Variants in MID1 observed in about 807,000 individuals in gnomAD.
MID1 encodes E3 ubiquitin-protein ligase Midline-1.
A neutral mutation model predicts 40.4 loss-of-function variants in MID1; 7 were observed. The observed-to-expected ratio is 0.17, with a 90% CI of 0.10 to 0.33. The LOEUF is 0.33. MID1 is among the 10% of genes least tolerant of loss of function. MID1 has a pLI of 1.00. For missense variants in MID1, 367 were observed against 558.5 expected, an observed-to-expected ratio of 0.66 and a Z score of 3.46; for synonymous variants, 229 against 221.2, an observed-to-expected ratio of 1.04 and a Z score of -0.31.
chrX:10,707,539 G>A (rs1435979461), intron 1 of MID1, among the ~76,000 whole-genome samples: 1 of 112,049 alleles, frequency 8.9e-6, no homozygotes, highest in Non-Finnish European at 1.9e-5. Context: ...CTAATTTTCA[G>A]ATTTATAAAA....
chrX:10,662,219 T>C (rs112360260), intron 1 of MID1, among the ~76,000 whole-genome samples: 9 of 111,356 alleles, frequency 8.1e-5, no homozygotes, highest in African/African-American at 2.9e-4. Context: ...CAGGAGAATC[T>C]CTTGAACCGG....
chrX:10,615,292 C>T (rs1022519905), intron 1 of MID1, among the ~76,000 whole-genome samples: 1 of 111,986 alleles, frequency 8.9e-6, no homozygotes, highest in African/African-American at 3.2e-5. Flanking sequence ...AGGGGCCTTA[C>T]CAAAGTCATA....
At chrX:10,696,278 A>G (rs757876016) in intron 1 of MID1, among the ~76,000 whole-genome samples, 17 of 111,685 alleles carry the variant, frequency 1.5e-4, no homozygotes, top group Non-Finnish European at 2.1e-4. Context: ...CAGTAAACAC[A>G]CTATGCATGC....
intron 1 of MID1, among the ~76,000 whole-genome samples, chrX:10,716,344 C>G (rs1291561538): frequency 9.0e-6 from 1 of 111,602 alleles, no homozygotes; most frequent in African/African-American, 3.3e-5. Flanking sequence ...CAGAGAAGTC[C>G]TTAAAGGACC....
At chrX:10,499,087 A>G (rs1931412978) in intron 3 of MID1, among the ~76,000 whole-genome samples, 1 of 112,099 alleles carries the variant, frequency 8.9e-6, no homozygotes, top group Admixed American at 9.4e-5. Context: ...CAATTTCTCC[A>G]CATCCTTGTT....
intron 1 of MID1, among the ~76,000 whole-genome samples, chrX:10,691,868 A>G (rs1249150674): frequency 9.0e-6 from 1 of 111,542 alleles, no homozygotes. Context: ...AATAATTGAT[A>G]CCCTGGGGCA....
At chrX:10,797,797 T>C (rs765551232) in intron 1 of MID1, among the ~76,000 whole-genome samples, 14 of 112,014 alleles carry the variant, frequency 1.2e-4, no homozygotes, top group Non-Finnish European at 2.1e-4. Context: ...GCTGTCTCCA[T>C]GAGACAAGCA....
chrX:10,604,748 A>T (rs1439138489), intron 1 of MID1, among the ~76,000 whole-genome samples: 1 of 112,401 alleles, frequency 8.9e-6, no homozygotes, highest in Admixed American at 9.4e-5. Context: ...ATTACATGGA[A>T]GTGCCATTTT....
chrX:10,479,424 A>T (rs756384481), intron 5 of MID1, among the ~76,000 whole-genome samples: 162 of 111,306 alleles, frequency 1.5e-3, no homozygotes, highest in Middle Eastern at 4.6e-3. Context: ...TGTGCTACCA[A>T]ATAGTAGGTC....
chrX:10,728,852 T>C (rs1036231188), intron 1 of MID1, among the ~76,000 whole-genome samples: 20 of 112,232 alleles, frequency 1.8e-4, no homozygotes, highest in Admixed American at 8.5e-4. Context: ...TGTTTCTTTA[T>C]GCATTGCGAG....
chrX:10,825,665 G>T (rs907602895), intron 1 of MID1, among the ~76,000 whole-genome samples: 1 of 111,261 alleles, frequency 9.0e-6, no homozygotes, highest in African/African-American at 3.3e-5. Context: ...TTGAGGGGAG[G>T]GGGTAAGGGG....
chrX:10,685,874 T>TCACA (rs1394966596), intron 1 of MID1, among the ~76,000 whole-genome samples: 214 of 30,034 alleles, frequency 7.1e-3, no homozygotes, highest in African/African-American at 0.032. Flanking sequence ...CCCCACATAC[T>TCACA]CATACACACA....
At chrX:10,542,866 A>G (rs1233857579) in intron 2 of MID1, among the ~76,000 whole-genome samples, 1 of 112,353 alleles carries the variant, frequency 8.9e-6, no homozygotes. Context: ...TTGGATGAAA[A>G]AAAGAATTTC....
Position 10,524,721 on chromosome X carries a change from C to T in MID1, c.661-1534G>A, listed in dbSNP as rs141633520. On this transcript the variant is annotated intron_variant, in intron 2 of 9. Transcript: ENST00000317552. ...GACTGTACAAACTGGGAGAAAGATGCTGCAAACAAGAGAAGGGAAAGAGTT... is the reference window on the plus strand; with the variant it reads ...GACTGTACAAACTGGGAGAAAGATGTTGCAAACAAGAGAAGGGAAAGAGTT... Among the ~76,000 whole-genome samples, 1,009 of 112,291 alleles carry T rather than the reference C, an allele frequency of 9.0e-3. 7 individuals carry two copies. The highest frequency in any genetic ancestry group is 0.027 in the African/African-American group (829 of 30,904).
chrX:10,665,676 C>T lies in MID1; in HGVS notation c.-186-45257G>A, dbSNP rs746484223. On this transcript the variant is annotated intron_variant, in intron 1 of 10. Transcript: ENST00000380785. ...CGGAGTAGATGGGACTGCAGGCACACGCCACCACACCCAGCTAATTTTCTT... is the reference window on the plus strand; with the variant it reads ...CGGAGTAGATGGGACTGCAGGCACATGCCACCACACCCAGCTAATTTTCTT... 6.4e-5 allele frequency among the ~76,000 whole-genome samples: 7 copies of T among 109,384 alleles called. No individual in the cohort carries two copies. The East Asian group carries it at 1.2e-3, about 18-fold the overall frequency. 95.0% of individuals were successfully genotyped at this position (109,384 alleles called of 115,157 possible).
At chrX:10,640,779 A>G (rs1458226767) in intron 1 of MID1, among the ~76,000 whole-genome samples, 1 of 109,961 alleles carries the variant, frequency 9.1e-6, no homozygotes, top group Admixed American at 9.6e-5. Context: ...AGCACTCCTC[A>G]GCAAATGTAA....
At chrX:10,553,264 T>TAA (rs773193264) in intron 2 of MID1, among the ~76,000 whole-genome samples, 1,706 of 104,303 alleles carry the variant, frequency 0.016, 31 homozygotes, top group African/African-American at 0.053. Context: ...AAAAAAGAAA[T>TAA]AAAAAAAATA....
At chrX:10,685,777 T>A (rs2043091224) in intron 1 of MID1, among the ~76,000 whole-genome samples, 1 of 110,589 alleles carries the variant, frequency 9.0e-6, no homozygotes, top group Admixed American at 9.7e-5. Context: ...ATACATTAAA[T>A]ACATTTGTGT....
chrX:10,559,689 G>A (rs2147451605), intron 2 of MID1, among the ~76,000 whole-genome samples: 1 of 111,571 alleles, frequency 9.0e-6, no homozygotes, highest in South Asian at 3.8e-4. Context: ...ACTGGGGTCA[G>A]TACCTTTGCT....
Sources: allele counts gnomAD v4.1 joint callset (sites outside exome capture counted in the v4.1 genomes callset), GRCh38; gene constraint gnomAD v4.1.1; transcripts MANE v1.5; gene names NCBI Gene and HGNC (gene_info 2026-07-23, HGNC 2026-07-21).